ADGRV1: variants seen among roughly 807,000 people sequenced by gnomAD.
ADGRV1 encodes adhesion G protein-coupled receptor V1, also known as G-protein coupled receptor 98.
Under a neutral mutation model 596.2 loss-of-function variants are expected in ADGRV1, and 359 were observed. The observed-to-expected ratio is 0.60, with a 90% confidence interval of 0.55 to 0.66. ADGRV1 has a LOEUF of 0.66. ADGRV1 is among the 30% of genes least tolerant of loss of function. The pLI, the probability that ADGRV1 is intolerant of heterozygous loss-of-function variation, is 0.00. For missense variants in ADGRV1, 7,274 were observed against 7,575.6 expected (o/e 0.96, Z 1.48); for synonymous variants, 2,681 against 2,679.2 (o/e 1.00, Z -0.02).
At chr5:90,942,206 G>C (rs1776217884) in intron 83 of ADGRV1, among the ~76,000 whole-genome samples, 1 of 152,222 alleles carries the variant, frequency 6.6e-6, no homozygotes, top group African/African-American at 2.4e-5. Flanking sequence ...TAGCAAGTGA[G>C]TTTATGATGA....
At position 90,854,052 on chromosome 5, in the gene ADGRV1, A is replaced by G. The variant is rs2150409408; in HGVS notation, c.17455-10A>G. The G allele has an allele frequency of 6.4e-7, 1 of 1,562,356 alleles. No homozygotes were observed. The highest frequency in any genetic ancestry group is 8.7e-7 in the Non-Finnish European group (1 of 1,146,434). ...AAACATCATTATATGTTCTGTTTTT[A>G]ACATTCTAGGTATTATCTTTGAGTG... is the stretch of plus-strand genomic sequence containing the variant. On this transcript the variant is annotated splice_polypyrimidine_tract_variant and intron_variant, in intron 80 of 89. Transcript: ENST00000405460.
At chr5:90,851,134 T>TGTGTGTGTGAGA (rs757909771) in intron 79 of ADGRV1, among the ~76,000 whole-genome samples, 1,135 of 81,448 alleles carry the variant, frequency 0.014, 26 homozygotes, top group East Asian at 0.031. Flanking sequence ...TGTGTGTGTG[T>TGTGTGTGTGAGA]GAGAGAGAGA....
rs1327334926 is a variant in ADGRV1 at position 90,704,413 on chromosome 5, G to A, written c.8311G>A (p.Val2771Met). 21 of 1,578,048 alleles carry A rather than the reference G, an allele frequency of 1.3e-5. No homozygotes were observed. The highest frequency in any genetic ancestry group is 1.3e-4 in the Admixed American group (7 of 55,570). Residue 2771 changes from valine to methionine, a missense_variant, in exon 36 of 90, where the codon GTG becomes ATG. By Grantham distance (21) the Val-to-Met change is conservative. Around this residue, in one of 5 missense-constraint regions of ADGRV1, gnomAD observed 3,643 missense variants for 3,809.2 expected, o/e 0.96. Coordinates refer to ENST00000405460, the MANE Select transcript of ADGRV1 (RefSeq NM_032119.4). Reference sequence around the variant, plus strand: ...GGGGTCGTTGAATACAACATTGTTTGTGCATTTGTTGGATGACAACATTCC... The same window carrying A: ...GGGGTCGTTGAATACAACATTGTTTATGCATTTGTTGGATGACAACATTCC... ...PEGSLNTTLFVHLLDDNIPEE... is the reference protein window; with the variant it reads ...PEGSLNTTLFMHLLDDNIPEE...
intron 83 of ADGRV1, among the ~76,000 whole-genome samples, chr5:90,956,744 G>A (rs1025551363): frequency 6.6e-6 from 1 of 152,074 alleles, no homozygotes; most frequent in Admixed American, 6.6e-5. Context: ...GATTTTTGGA[G>A]TACATGCTAG....
chr5:90,695,166 A>G (rs1747023847), intron 33 of ADGRV1, among the ~76,000 whole-genome samples: 1 of 152,182 alleles, frequency 6.6e-6, no homozygotes, highest in South Asian at 2.1e-4. Flanking sequence ...AATTATTTGT[A>G]AGTAAAAGTA....
intron 78 of ADGRV1, among the ~76,000 whole-genome samples, chr5:90,841,821 A>G (rs1009845062): frequency 1.3e-5 from 2 of 152,230 alleles, no homozygotes; most frequent in Non-Finnish European, 2.9e-5. Flanking sequence ...ATAGTCGTGC[A>G]TACTTTCCAT....
chr5:90,727,888 T>C lies in ADGRV1; in HGVS notation c.10162-781T>C, dbSNP rs112061191. 2.1e-3 allele frequency among the ~76,000 whole-genome samples: 321 copies of C among 152,322 alleles called. 1 individual carries two copies. The highest frequency in any genetic ancestry group is 7.3e-3 in the African/African-American group (302 of 41,576). On this transcript the variant is annotated intron_variant, in intron 48 of 89. Coordinates refer to ENST00000405460, the MANE Select transcript of ADGRV1 (RefSeq NM_032119.4). ...TTAAGAACTTTGTCATGTTGTTCCT[T>C]CTAACTTGATTTCCCAAATACCTTC...
intron 70 of ADGRV1, among the ~76,000 whole-genome samples, chr5:90,800,916 C>T (rs1361833335): frequency 6.6e-6 from 1 of 151,990 alleles, no homozygotes; most frequent in African/African-American, 2.4e-5. Context: ...ACACTTGGGG[C>T]CTGTCGGGGT....
chr5:90,845,713 G>C (rs1356726306), intron 78 of ADGRV1, among the ~76,000 whole-genome samples: 2 of 152,058 alleles, frequency 1.3e-5, no homozygotes, highest in East Asian at 3.9e-4. Context: ...TTTTAGACAT[G>C]AATATTCTTC....
chr5:91,060,906 A>G (rs78455321), intron 85 of ADGRV1, among the ~76,000 whole-genome samples: 3,011 of 152,266 alleles, frequency 0.02, 118 homozygotes, highest in African/African-American at 0.069. Context: ...TCCTTCTACA[A>G]AATGATTTTT....
chr5:90,790,478 A>G (rs1309392115), intron 69 of ADGRV1, among the ~76,000 whole-genome samples: 4 of 152,236 alleles, frequency 2.6e-5, no homozygotes, highest in Non-Finnish European at 5.9e-5. Context: ...TCTCATAGAT[A>G]GTCCTTTTTT....
chr5:90,570,743 T>G (rs1175659953), intron 1 of ADGRV1, among the ~76,000 whole-genome samples: 1 of 151,942 alleles, frequency 6.6e-6, no homozygotes, highest in Admixed American at 6.5e-5. Context: ...GTAGTTATTT[T>G]ACTTCTCAAC....
At chr5:91,151,491 G>T (rs950775326) in intron 88 of ADGRV1, among the ~76,000 whole-genome samples, 1 of 151,970 alleles carries the variant, frequency 6.6e-6, no homozygotes, top group African/African-American at 2.4e-5. Flanking sequence ...TTAATTTTTT[G>T]GAAATCTAGT....
At chr5:90,869,890 C>T (rs1046871241) in intron 83 of ADGRV1, among the ~76,000 whole-genome samples, 1 of 152,134 alleles carries the variant, frequency 6.6e-6, no homozygotes. Context: ...ACACAGCAGC[C>T]AGCCTCCAGT....
chr5:90,897,992 G>A (rs1226874596), intron 83 of ADGRV1, among the ~76,000 whole-genome samples: 1 of 152,144 alleles, frequency 6.6e-6, no homozygotes, highest in African/African-American at 2.4e-5. Context: ...CCTTTATCCA[G>A]TTCCCTCCAG....
At chr5:90,672,841 C>A in intron 22 of ADGRV1, 119 bp downstream of exon 22, 1 of 708,542 alleles carries the variant, frequency 1.4e-6, no homozygotes, top group South Asian at 2.4e-5. Context: ...TTATTTACAA[C>A]TGTAACTGAT....
intron 65 of ADGRV1, among the ~76,000 whole-genome samples, chr5:90,782,464 A>G (rs948944119): frequency 1.2e-4 from 18 of 152,240 alleles, no homozygotes; most frequent in Middle Eastern, 3.4e-3. Flanking sequence ...ATTTATATTT[A>G]TAATATACAT....
rs368303691 is a variant in ADGRV1, at chr5:90,672,644, T to C, written c.4851T>C (p.Thr1617=). 29 of 1,613,490 alleles carry C rather than the reference T, an allele frequency of 1.8e-5. No individual in the cohort carries two copies. In the Middle Eastern group the frequency reaches 4.9e-4, roughly 27 times the overall value. The change falls in exon 22 of 90, where the codon ACT becomes ACC. Residue 1617 remains threonine, a synonymous_variant. Coordinates refer to ENST00000405460, the MANE Select transcript of ADGRV1 (RefSeq NM_032119.4). Reference sequence around the variant, plus strand: ...TTTACACCATTTCACAGATTGAAACTGATGGCATTAATTACCTTGTTGATG... The same window carrying C: ...TTTACACCATTTCACAGATTGAAACCGATGGCATTAATTACCTTGTTGATG... ...HVFYTISQIE[T]DGINYLVDDF... is the part of the protein sequence containing the mutation.
At chr5:91,072,707 T>C in intron 86 of ADGRV1, 103 bp downstream of exon 86, 2 of 1,208,260 alleles carry the variant, frequency 1.7e-6, no homozygotes, top group Non-Finnish European at 2.4e-6. Context: ...TCGGCTCATC[T>C]TTCAGCTCTG....
Sources: gnomAD v4.1 joint callset for allele counts (sites outside exome capture counted in the v4.1 genomes callset) on GRCh38, gnomAD v4.1.1 for gene constraint, gnomAD v4.1.1 regional missense constraint, MANE v1.5 for transcripts, NCBI Gene and HGNC (gene_info 2026-07-23, HGNC 2026-07-21) for gene names.